ADGRB3: variants seen among roughly 807,000 people sequenced by gnomAD.
ADGRB3 encodes the protein brain-specific angiogenesis inhibitor 3.
Under a neutral mutation model 193.4 loss-of-function variants are expected in ADGRB3, and 37 were observed. The ratio of observed to expected loss-of-function variants is 0.19; its 90% CI spans 0.15 to 0.25. ADGRB3 has a LOEUF of 0.25. Among genes scored for constraint, ADGRB3 ranks in the 10% least tolerant of loss-of-function variants. The probability of loss-of-function intolerance (pLI) is 1.00; values close to 1 mark genes in which losing one functional copy is unlikely to be tolerated. For synonymous variants in ADGRB3, 690 were observed against 644.2 expected (o/e 1.07, Z -1.08); for missense variants, 1,637 against 1,852.9 (o/e 0.88, Z 2.14).
At chr6:68,654,406 A>G (rs1768443656) in intron 3 of ADGRB3, among the ~76,000 whole-genome samples, 1 of 152,050 alleles carries the variant, frequency 6.6e-6, no homozygotes, top group Non-Finnish European at 1.5e-5. Flanking sequence ...CTCATTAATT[A>G]TAAAACAGAC....
chr6:68,678,639 C>T lies in ADGRB3; in HGVS notation c.757+39207C>T, dbSNP rs561286221. The stretch of plus-strand genomic sequence containing the variant: ...AATGATCTGAAATTGAGGAATATAT[C>T]CAGGTTTAGATCATTTAAAGAATTC... On this transcript the variant is annotated intron_variant, in intron 3 of 31. Coordinates refer to ENST00000370598, the MANE Select transcript of ADGRB3 (RefSeq NM_001704.3). Among the ~76,000 whole-genome samples the T allele has an allele frequency of 2.6e-5, 4 of 152,134 alleles. No homozygotes were observed. The South Asian group carries it at 8.3e-4, about 32-fold the overall frequency.
At chr6:69,123,078 C>T (rs1773763370) in intron 17 of ADGRB3, among the ~76,000 whole-genome samples, 1 of 151,444 alleles carries the variant, frequency 6.6e-6, no homozygotes, top group Admixed American at 6.6e-5. Context: ...ACGTAAGTAT[C>T]ACCTAATAGT....
chr6:69,106,082 C>A (rs1382156056), intron 17 of ADGRB3, among the ~76,000 whole-genome samples: 5 of 144,794 alleles, frequency 3.5e-5, no homozygotes, highest in African/African-American at 1.3e-4. Context: ...TTGCTTAAAC[C>A]CGGGAGGCAG....
chr6:69,336,011 C>T (rs1180282585), intron 24 of ADGRB3, among the ~76,000 whole-genome samples: 1 of 151,922 alleles, frequency 6.6e-6, no homozygotes, highest in Non-Finnish European at 1.5e-5. Flanking sequence ...TTATAATACA[C>T]AAACTATATT....
intron 10 of ADGRB3, among the ~76,000 whole-genome samples, chr6:68,980,722 A>T (rs1369929718): frequency 6.6e-6 from 1 of 151,568 alleles, no homozygotes; most frequent in African/African-American, 2.4e-5. Context: ...TAGCAGATGG[A>T]TTTAATTTTC....
At chr6:68,802,867 T>C (rs548901811) in intron 3 of ADGRB3, among the ~76,000 whole-genome samples, 74 of 152,308 alleles carry the variant, frequency 4.9e-4, no homozygotes, top group African/African-American at 1.7e-3. Context: ...ATTAATTCAA[T>C]TCCTTTATTA....
intron 3 of ADGRB3, among the ~76,000 whole-genome samples, chr6:68,912,287 T>G (rs1766736434): frequency 6.6e-6 from 1 of 152,040 alleles, no homozygotes; most frequent in South Asian, 2.1e-4. Flanking sequence ...GAATCTACTG[T>G]GGCCTAATAT....
At chr6:68,642,688 T>C (rs1014416354) in intron 3 of ADGRB3, among the ~76,000 whole-genome samples, 1 of 151,826 alleles carries the variant, frequency 6.6e-6, no homozygotes, top group African/African-American at 2.4e-5. Context: ...CTAATTTTTA[T>C]ATGAAATTGT....
chr6:69,093,165 A>C (rs2150318295), intron 17 of ADGRB3, among the ~76,000 whole-genome samples: 1 of 151,446 alleles, frequency 6.6e-6, no homozygotes, highest in Middle Eastern at 3.4e-3. Flanking sequence ...CAGGGGTACA[A>C]GGATGGGCAG....
At chr6:68,657,352 T>G (rs1768513697) in intron 3 of ADGRB3, among the ~76,000 whole-genome samples, 1 of 151,504 alleles carries the variant, frequency 6.6e-6, no homozygotes, top group South Asian at 2.1e-4. Context: ...TGCCATGTCA[T>G]GTAACTAAGA....
At chr6:68,796,848 A>C (rs914713281) in intron 3 of ADGRB3, among the ~76,000 whole-genome samples, 2 of 152,178 alleles carry the variant, frequency 1.3e-5, no homozygotes, top group African/African-American at 4.8e-5. Flanking sequence ...GTATAGGAGA[A>C]AAAGACTAAA....
intron 20 of ADGRB3, among the ~76,000 whole-genome samples, chr6:69,257,396 A>G (rs898408364): frequency 4.6e-5 from 7 of 152,178 alleles, no homozygotes; most frequent in African/African-American, 1.7e-4. Context: ...TTATTGGTCT[A>G]TTCAGAGATT....
chr6:68,944,490 T>G (rs1280062621), intron 6 of ADGRB3, among the ~76,000 whole-genome samples: 1 of 152,186 alleles, frequency 6.6e-6, no homozygotes, highest in East Asian at 1.9e-4. Flanking sequence ...GTAAACAATT[T>G]ACAATCTTTA....
At chr6:69,221,143 A>T (rs1215741952) in intron 17 of ADGRB3, among the ~76,000 whole-genome samples, 1 of 152,134 alleles carries the variant, frequency 6.6e-6, no homozygotes. Context: ...GGTTAAAGCA[A>T]AATTTCCTAT....
chr6:69,073,487 T>C (rs1456680857), intron 16 of ADGRB3, among the ~76,000 whole-genome samples: 1 of 151,910 alleles, frequency 6.6e-6, no homozygotes, highest in Non-Finnish European at 1.5e-5. Context: ...AAAAATGGAA[T>C]TTACTGGGAA....
At chr6:68,848,829 A>G (rs1335623885) in intron 3 of ADGRB3, among the ~76,000 whole-genome samples, 9 of 152,022 alleles carry the variant, frequency 5.9e-5, no homozygotes, top group African/African-American at 2.2e-4. Context: ...AAAACCTAAA[A>G]AATATTTCAT....
intron 20 of ADGRB3, among the ~76,000 whole-genome samples, chr6:69,251,050 C>T (rs1766607525): frequency 1.3e-5 from 2 of 152,154 alleles, no homozygotes; most frequent in Non-Finnish European, 2.9e-5. Flanking sequence ...TTGTAGGGGT[C>T]AATAAGCCCT....
intron 17 of ADGRB3, among the ~76,000 whole-genome samples, chr6:69,219,537 A>T (rs1765849135): frequency 6.8e-6 from 1 of 147,032 alleles, no homozygotes; most frequent in Non-Finnish European, 1.5e-5. Flanking sequence ...ACATATATAC[A>T]TGTGTATATA....
At chr6:69,106,965 C>T (rs1773232425) in intron 17 of ADGRB3, among the ~76,000 whole-genome samples, 1 of 152,218 alleles carries the variant, frequency 6.6e-6, no homozygotes, top group Admixed American at 6.5e-5. Flanking sequence ...GGACCAGTGC[C>T]GTTAGTTCAC....
Sources: allele counts gnomAD v4.1 joint callset (sites outside exome capture counted in the v4.1 genomes callset), GRCh38; gene constraint gnomAD v4.1.1; transcripts MANE v1.5; gene names NCBI Gene and HGNC (gene_info 2026-07-23, HGNC 2026-07-21).